The following HS3ST2 variants were observed in gnomAD, a reference collection of about 807,000 sequenced individuals.
The protein encoded by HS3ST2 is heparan sulfate-glucosamine 3-sulfotransferase 2, also known as heparan sulfate glucosamine 3-O-sulfotransferase 2.
A neutral mutation model predicts 26.3 loss-of-function variants in HS3ST2; 17 were observed. The ratio of observed to expected loss-of-function variants is 0.65; its 90% confidence interval spans 0.44 to 0.97. HS3ST2 has a LOEUF of 0.97. Ranked by LOEUF, HS3ST2 falls within the 50% of genes least tolerant of loss-of-function variation. HS3ST2 has a pLI of 0.00. For missense variants in HS3ST2, 402 were observed against 501.2 expected, an observed-to-expected ratio of 0.80 and a Z score of 1.89; for synonymous variants, 237 against 219.2, an observed-to-expected ratio of 1.08 and a Z score of -0.72.
At chr16:22,828,651 G>A (rs1253081030) in intron 1 of HS3ST2, among the ~76,000 whole-genome samples, 1 of 152,186 alleles carries the variant, frequency 6.6e-6, no homozygotes, top group Non-Finnish European at 1.5e-5. Flanking sequence ...TAAAGTGGAG[G>A]TAGCATTTCC....
chr16:22,892,038 G>T (rs1292609768), intron 1 of HS3ST2, among the ~76,000 whole-genome samples: 1 of 151,760 alleles, frequency 6.6e-6, no homozygotes, highest in Non-Finnish European at 1.5e-5. Flanking sequence ...ACTTTGGGAG[G>T]CCGAGGCAGG....
rs551450234 is a variant in HS3ST2 at position 22,896,543 on chromosome 16, C to T, written c.486-18401C>T. On this transcript the variant is annotated intron_variant, in intron 1 of 1. Transcript: ENST00000261374. ...GCCTATAACCACTCTGTCTTCCATT[C>T]TACTTTCTCTCTCATCAGCTCAATG... Among the ~76,000 whole-genome samples the T allele has an allele frequency of 3.3e-5, 5 of 152,342 alleles. No homozygotes were observed. The South Asian group carries it at 1.0e-3, about 32-fold the overall frequency.
intron 1 of HS3ST2, among the ~76,000 whole-genome samples, chr16:22,837,108 A>T (rs1901267920): frequency 8.1e-6 from 1 of 123,188 alleles, no homozygotes. Flanking sequence ...CCCTTCCTGG[A>T]TGCCTATACA....
At chr16:22,891,366 C>T (rs961767537) in intron 1 of HS3ST2, among the ~76,000 whole-genome samples, 4 of 152,100 alleles carry the variant, frequency 2.6e-5, no homozygotes, top group Admixed American at 1.3e-4. Context: ...ATTTTATCCC[C>T]TTTAATGGGG....
At chr16:22,829,418 C>T (rs1901137290) in intron 1 of HS3ST2, among the ~76,000 whole-genome samples, 1 of 152,196 alleles carries the variant, frequency 6.6e-6, no homozygotes, top group Admixed American at 6.5e-5. Flanking sequence ...AGAGGACAAT[C>T]AGTAGTCAGT....
chr16:22,859,261 A>AC (rs1901643817), intron 1 of HS3ST2, among the ~76,000 whole-genome samples: 2 of 152,142 alleles, frequency 1.3e-5, no homozygotes, highest in Admixed American at 6.6e-5. Context: ...GAAGACCAAA[A>AC]CCTTCACCTT....
intron 1 of HS3ST2, among the ~76,000 whole-genome samples, chr16:22,892,890 A>C (rs1902149380): frequency 6.6e-6 from 1 of 152,224 alleles, no homozygotes; most frequent in South Asian, 2.1e-4. Flanking sequence ...TATTATGTCA[A>C]ATTCAATTTT....
intron 1 of HS3ST2, among the ~76,000 whole-genome samples, chr16:22,867,280 A>T (rs1901771054): frequency 6.6e-6 from 1 of 152,242 alleles, no homozygotes; most frequent in Non-Finnish European, 1.5e-5. Flanking sequence ...GCAGACTTGC[A>T]CCTTAAAAAT....
intron 1 of HS3ST2, among the ~76,000 whole-genome samples, chr16:22,868,578 G>A (rs999057142): frequency 6.6e-6 from 1 of 152,092 alleles, no homozygotes; most frequent in Non-Finnish European, 1.5e-5. Flanking sequence ...GAAGTATTCT[G>A]AAGCCAACAG....
intron 1 of HS3ST2, among the ~76,000 whole-genome samples, chr16:22,880,838 C>T (rs1474001438): frequency 6.7e-6 from 1 of 149,704 alleles, no homozygotes; most frequent in African/African-American, 2.6e-5. Context: ...TTATGTAACC[C>T]AGGTGCCAAT....
At chr16:22,882,217 C>T (rs1203359373) in intron 1 of HS3ST2, among the ~76,000 whole-genome samples, 2 of 151,994 alleles carry the variant, frequency 1.3e-5, no homozygotes, top group Non-Finnish European at 2.9e-5. Flanking sequence ...TAAAAATTGG[C>T]CAGGCATGGC....
At chr16:22,856,999 T>C (rs1191662181) in intron 1 of HS3ST2, among the ~76,000 whole-genome samples, 1 of 152,136 alleles carries the variant, frequency 6.6e-6, no homozygotes. Context: ...GTACATATAA[T>C]ATATTCGAGG....
At chr16:22,861,946 C>A (rs1347043749) in intron 1 of HS3ST2, among the ~76,000 whole-genome samples, 1 of 152,204 alleles carries the variant, frequency 6.6e-6, no homozygotes, top group Non-Finnish European at 1.5e-5. Context: ...ATTGGACAGA[C>A]CTTTCCTGTC....
chr16:22,909,620 T>G (rs958028628), intron 1 of HS3ST2, among the ~76,000 whole-genome samples: 7 of 152,138 alleles, frequency 4.6e-5, no homozygotes, highest in African/African-American at 1.7e-4. Flanking sequence ...TTTGGTGGGA[T>G]AGAGAAAATT....
In HS3ST2 at chr16:22,864,882, C is replaced by CAAAAAA. The variant is rs34942780; in HGVS notation, c.485+49802_485+49807dup. Among the ~76,000 whole-genome samples the CAAAAAA allele has an allele frequency of 2.8e-4, 16 of 57,150 alleles. 1 individual carries two copies. Among genetic ancestry groups the CAAAAAA allele is most frequent in the African/African-American group, 6.4e-4 (10 of 15,652 alleles). The allele number at this position is 57,150 out of a possible 152,430, so 37.5% of individuals were successfully genotyped here. A position where few individuals can be genotyped will look rare whatever the true frequency, so the allele number is the denominator to read the frequency against. On this transcript the variant is annotated intron_variant, in intron 1 of 1. Coordinates refer to ENST00000261374, the MANE Select transcript of HS3ST2 (RefSeq NM_006043.2). ...GCAACATAGGGAGACCCTGTCTCCACAAAAAAAAAAAAAAAAAAAATAGCC... is the reference window on the plus strand; with the variant it reads ...GCAACATAGGGAGACCCTGTCTCCACAAAAAAAAAAAAAAAAAAAAAAAAAATAGCC...
At chr16:22,896,940 T>C (rs1326716065) in intron 1 of HS3ST2, among the ~76,000 whole-genome samples, 1 of 152,204 alleles carries the variant, frequency 6.6e-6, no homozygotes, top group Admixed American at 6.5e-5. Context: ...ATCAAGTAGC[T>C]GAGACTACAG....
At chr16:22,851,699 G>A (rs527263059) in intron 1 of HS3ST2, among the ~76,000 whole-genome samples, 6 of 152,256 alleles carry the variant, frequency 3.9e-5, no homozygotes, top group East Asian at 1.9e-4. Context: ...GGTGAAGGAC[G>A]CCTTAGACTA....
chr16:22,857,516 A>T (rs1352006820), intron 1 of HS3ST2, among the ~76,000 whole-genome samples: 2 of 152,208 alleles, frequency 1.3e-5, no homozygotes, highest in African/African-American at 4.8e-5. Context: ...AAATTCACTT[A>T]CAAGTTTGGC....
chr16:22,821,273 A>AG (rs1432501598), intron 1 of HS3ST2, among the ~76,000 whole-genome samples: 1 of 151,826 alleles, frequency 6.6e-6, no homozygotes, highest in Non-Finnish European at 1.5e-5. Context: ...ACACATCCAA[A>AG]GGGCCCTAGC....
Sources: allele counts gnomAD v4.1 joint callset (sites outside exome capture counted in the v4.1 genomes callset), GRCh38; gene constraint gnomAD v4.1.1; transcripts MANE v1.5; gene names NCBI Gene and HGNC (gene_info 2026-07-23, HGNC 2026-07-21).